The following THSD4 variants were observed in gnomAD, a reference collection of about 807,000 sequenced individuals.
THSD4 encodes the protein thrombospondin type-1 domain-containing protein 4.
Under a neutral mutation model 119.0 loss-of-function variants are expected in THSD4, and 69 were observed. The observed-to-expected ratio is 0.58, with a 90% CI of 0.48 to 0.71. The LOEUF (loss-of-function observed/expected upper bound fraction) is 0.71, where lower values mean the gene tolerates loss of function less well. Among genes scored for constraint, THSD4 ranks in the 30% least tolerant of loss-of-function variants. THSD4 has a pLI of 0.00. For missense variants in THSD4, 1,393 were observed against 1,391.1 expected, an observed-to-expected ratio of 1.00 and a Z score of -0.02; for synonymous variants, 524 against 540.4, an observed-to-expected ratio of 0.97 and a Z score of 0.42.
intron 6 of THSD4, among the ~76,000 whole-genome samples, chr15:71,257,886 G>A (rs2044338640): frequency 6.6e-6 from 1 of 152,004 alleles, no homozygotes; most frequent in African/African-American, 2.4e-5. Flanking sequence ...GATGTACAGA[G>A]GAAACATAGA....
rs28464891 is a variant in THSD4, at chr15:71,310,895, G to A, written c.1015+54180G>A. Among the ~76,000 whole-genome samples, 340 of 152,230 alleles carry A rather than the reference G, an allele frequency of 2.2e-3. 2 individuals carry two copies. Among genetic ancestry groups the A allele is most frequent in the African/African-American group, 7.8e-3 (324 of 41,532 alleles). ...TCAAAGAAAACCTTTTACTTCTGAGGCCTTCGTTTTGGGGTGTTGTTTACT... is the reference window on the plus strand; with the variant it reads ...TCAAAGAAAACCTTTTACTTCTGAGACCTTCGTTTTGGGGTGTTGTTTACT... On this transcript the variant is annotated intron_variant, in intron 6 of 17. Coordinates refer to ENST00000261862, the MANE Select transcript of THSD4 (RefSeq NM_024817.3).
intron 7 of THSD4, among the ~76,000 whole-genome samples, chr15:71,528,641 A>G (rs187712638): frequency 6.6e-6 from 1 of 152,332 alleles, no homozygotes; most frequent in Admixed American, 6.5e-5. Flanking sequence ...GCCTCCCTGC[A>G]TCCCATAATG....
intron 16 of THSD4, among the ~76,000 whole-genome samples, chr15:71,768,560 ATT>A (rs964263863): frequency 1.0e-4 from 10 of 99,274 alleles, no homozygotes; most frequent in East Asian, 2.9e-4. Context: ...GCAGATCCTG[ATT>A]TTTTTTTTTT....
chr15:71,139,471 A>G (rs913388124), intron 1 of THSD4, among the ~76,000 whole-genome samples: 2 of 152,316 alleles, frequency 1.3e-5, no homozygotes, highest in Non-Finnish European at 2.9e-5. Context: ...AAGGCATTTT[A>G]ACTGTTCCAA....
chr15:71,319,976 C>T (rs2045245642), intron 6 of THSD4, among the ~76,000 whole-genome samples: 1 of 152,182 alleles, frequency 6.6e-6, no homozygotes, highest in South Asian at 2.1e-4. Flanking sequence ...TAACTAGACT[C>T]CAGCAAAAGG....
At chr15:71,451,244 C>T (rs6494934) in intron 7 of THSD4, among the ~76,000 whole-genome samples, 48,198 of 151,964 alleles carry the variant, frequency 0.32, 7,898 homozygotes, top group East Asian at 0.48. Flanking sequence ...AGTCAGGGAA[C>T]TGTATGGTGA....
rs1491325135 is a variant in THSD4, at chr15:71,735,710, C to CTCTCTGTCTCTCTTGCTTTCTGTCACTG, written c.1631-2019_1631-1992dup. Among the ~76,000 whole-genome samples the CTCTCTGTCTCTCTTGCTTTCTGTCACTG allele has an allele frequency of 1.0e-4, 15 of 150,614 alleles. No homozygotes were observed. The East Asian group carries it at 3.0e-3, about 30-fold the overall frequency. ...TCTGTCTCTGTCTCTGTCTCTCTTG[C>CTCTCTGTCTCTCTTGCTTTCTGTCACTG]TCTCTGTCTCTCTTGCTTTCTGTCA... On this transcript the variant is annotated intron_variant, in intron 10 of 17. Coordinates refer to ENST00000261862, the MANE Select transcript of THSD4 (RefSeq NM_024817.3).
At chr15:71,533,104 C>A (rs1256964562) in intron 7 of THSD4, among the ~76,000 whole-genome samples, 1 of 152,186 alleles carries the variant, frequency 6.6e-6, no homozygotes, top group Non-Finnish European at 1.5e-5. Context: ...GATAAAATAA[C>A]CTCTAGATGG....
intron 10 of THSD4, among the ~76,000 whole-genome samples, chr15:71,735,462 CTCTCTCTCTT>C (rs895106972): frequency 4.0e-5 from 6 of 151,076 alleles, no homozygotes; most frequent in African/African-American, 7.3e-5. Flanking sequence ...CTCTCTCTCT[CTCTCTCTCTT>C]TCTCACTAGC....
chr15:71,158,361 C>G (rs933357275), intron 3 of THSD4, among the ~76,000 whole-genome samples: 5 of 152,034 alleles, frequency 3.3e-5, no homozygotes. Flanking sequence ...CCATGTTGAT[C>G]AGGCTGGTCT....
At chr15:71,673,404 G>A (rs1292787282) in intron 8 of THSD4, among the ~76,000 whole-genome samples, 5 of 152,122 alleles carry the variant, frequency 3.3e-5, no homozygotes, top group East Asian at 1.9e-4. Flanking sequence ...TCTTGCTAAC[G>A]ATCTAACAAT....
intron 7 of THSD4, among the ~76,000 whole-genome samples, chr15:71,629,475 C>A (rs1490853930): frequency 2.0e-5 from 3 of 152,152 alleles, no homozygotes. Flanking sequence ...CCTCCGTGTT[C>A]CCTGTGTCTT....
intron 7 of THSD4, among the ~76,000 whole-genome samples, chr15:71,545,809 AG>A (rs2048828602): frequency 6.6e-6 from 1 of 152,118 alleles, no homozygotes. Flanking sequence ...AAGGAATGAA[AG>A]TTCTTCCCTC....
chr15:71,339,293 T>C (rs1216799464), intron 6 of THSD4, among the ~76,000 whole-genome samples: 1 of 152,110 alleles, frequency 6.6e-6, no homozygotes, highest in African/African-American at 2.4e-5. Context: ...CTCCCTTTTA[T>C]TGATTTTTTT....
intron 8 of THSD4, among the ~76,000 whole-genome samples, chr15:71,684,943 C>T (rs1487020048): frequency 1.3e-5 from 2 of 152,044 alleles, no homozygotes; most frequent in African/African-American, 4.8e-5. Flanking sequence ...TTTTCTTGTT[C>T]ATCTTAAATC....
Position 71,731,147 on chromosome 15 carries a change from C to T in THSD4, c.1560C>T (p.Gly520=). Residue 520 remains glycine, a synonymous_variant, in exon 10 of 18, where the codon GGC becomes GGT. Transcript: ENST00000261862. ...VYMIHQQPNP[G]VHYEYVIMGT... ...TGATACACCAGCAGCCAAACCCAGG[C>T]GTGCACTACGAGTACGTGATCATGG... 1.9e-6 allele frequency: 3 copies of T among 1,614,124 alleles called. No individual in the cohort carries two copies. Among genetic ancestry groups the T allele is most frequent in the South Asian group, 2.2e-5 (2 of 91,076 alleles).
intron 7 of THSD4, among the ~76,000 whole-genome samples, chr15:71,434,440 T>C (rs1270430921): frequency 7.1e-6 from 1 of 140,668 alleles, no homozygotes; most frequent in African/African-American, 2.6e-5. Context: ...GTCCCTTTTT[T>C]TTTTTTTTTT....
intron 6 of THSD4, among the ~76,000 whole-genome samples, chr15:71,353,966 A>G (rs1425623412): frequency 6.6e-6 from 1 of 152,236 alleles, no homozygotes; most frequent in African/African-American, 2.4e-5. Context: ...CACTGAAGAT[A>G]GAACCCTGAG....
intron 7 of THSD4, among the ~76,000 whole-genome samples, chr15:71,413,813 G>A (rs1279237721): frequency 6.6e-6 from 1 of 152,132 alleles, no homozygotes; most frequent in African/African-American, 2.4e-5. Flanking sequence ...AAAAACCACT[G>A]GTTTTCACAC....
Sources: allele counts gnomAD v4.1 joint callset (sites outside exome capture counted in the v4.1 genomes callset), GRCh38; gene constraint gnomAD v4.1.1; transcripts MANE v1.5; gene names NCBI Gene and HGNC (gene_info 2026-07-23, HGNC 2026-07-21).